Variants in FLT3 observed in about 807,000 individuals in gnomAD.
FLT3 encodes fms related receptor tyrosine kinase 3.
In FLT3, 46 loss-of-function variants were observed where a neutral mutation model predicts 126.6. The observed-to-expected ratio is 0.36, with a 90% CI of 0.29 to 0.46. The LOEUF (loss-of-function observed/expected upper bound fraction) is 0.46. FLT3 is among the 20% of genes least tolerant of loss of function. The pLI is 1.00. For synonymous variants in FLT3, 404 were observed against 434.4 expected (o/e 0.93, Z 0.87); for missense variants, 1,069 against 1,190.3 (o/e 0.90, Z 1.50).
chr13:28,036,603 T>C (rs1297056201), intron 10 of FLT3, among the ~76,000 whole-genome samples: 2 of 152,198 alleles, frequency 1.3e-5, no homozygotes, highest in African/African-American at 4.8e-5. Flanking sequence ...TTCAAAATAC[T>C]AAAATCAATA....
intron 22 of FLT3, 143 bp downstream of exon 22, chr13:28,015,014 A>T (rs1871713129): frequency 3.3e-6 from 2 of 608,900 alleles, no homozygotes; most frequent in South Asian, 4.1e-5. Flanking sequence ...TGGCCAACAC[A>T]GCAAGACCTC....
At chr13:28,080,761 A>C (rs999117125) in intron 1 of FLT3, among the ~76,000 whole-genome samples, 1 of 152,208 alleles carries the variant, frequency 6.6e-6, no homozygotes, top group African/African-American at 2.4e-5. Flanking sequence ...CCTAGAAGTC[A>C]TATTTACATT....
chr13:28,069,308 C>T (rs753882084), intron 2 of FLT3, among the ~76,000 whole-genome samples: 10 of 152,116 alleles, frequency 6.6e-5, no homozygotes, highest in Non-Finnish European at 1.2e-4. Context: ...AGGGGATCGA[C>T]AACACTTGGT....
At chr13:28,074,328 C>T (rs1010017838) in intron 1 of FLT3, among the ~76,000 whole-genome samples, 5 of 152,180 alleles carry the variant, frequency 3.3e-5, no homozygotes, top group Non-Finnish European at 7.3e-5. Flanking sequence ...TGTGGACACA[C>T]ATTTGGGCTG....
intron 1 of FLT3, among the ~76,000 whole-genome samples, chr13:28,086,619 C>CGTGT (rs35797346): frequency 0.032 from 4,317 of 134,734 alleles, 68 homozygotes; most frequent in African/African-American, 0.056. Context: ...CTGAAGAACT[C>CGTGT]GTGTGTGTGT....
chr13:28,024,442 C>G (rs1872646150), intron 18 of FLT3, among the ~76,000 whole-genome samples: 1 of 152,152 alleles, frequency 6.6e-6, no homozygotes, highest in South Asian at 2.1e-4. Flanking sequence ...TCATTTACTC[C>G]TTCTAACAGT....
chr13:28,060,122 C>T (rs1013249454), intron 3 of FLT3, among the ~76,000 whole-genome samples: 2 of 150,884 alleles, frequency 1.3e-5, no homozygotes, highest in East Asian at 1.9e-4. Flanking sequence ...AGACCCAGTG[C>T]GGTGGCTCAC....
intron 9 of FLT3, among the ~76,000 whole-genome samples, chr13:28,046,656 A>G (rs7318543): frequency 0.065 from 9,896 of 151,946 alleles, 1,028 homozygotes; most frequent in African/African-American, 0.22. Flanking sequence ...GAGTGCGGTG[A>G]CGTGATCATG....
At chr13:28,055,554 AC>A (rs1875929774) in intron 4 of FLT3, among the ~76,000 whole-genome samples, 2 of 152,248 alleles carry the variant, frequency 1.3e-5, no homozygotes, top group Admixed American at 1.3e-4. Flanking sequence ...CTTGTGGTTG[AC>A]TAAACCCTTT....
At chr13:28,060,945 G>A (rs931087182) in intron 3 of FLT3, among the ~76,000 whole-genome samples, 1 of 151,978 alleles carries the variant, frequency 6.6e-6, no homozygotes, top group Non-Finnish European at 1.5e-5. Context: ...CAGGAAAATT[G>A]AGCAGAAGAC....
At chr13:28,094,351 G>A (rs1879310933) in intron 1 of FLT3, among the ~76,000 whole-genome samples, 1 of 151,914 alleles carries the variant, frequency 6.6e-6, no homozygotes, top group Non-Finnish European at 1.5e-5. Context: ...GAAGATTCTT[G>A]GCTACCAATT....
chr13:28,018,174 T>C (rs1255678807), intron 20 of FLT3, among the ~76,000 whole-genome samples: 1 of 152,168 alleles, frequency 6.6e-6, no homozygotes, highest in East Asian at 1.9e-4. Context: ...AGTGCAAGTA[T>C]TGAGATTTTG....
In FLT3 at chr13:28,084,274, CA is replaced by C. The variant is rs544997389; in HGVS notation, c.44-13663del. ...TCCAAAAATGCTGGGATTACATGCG[CA>C]AGCTACTGTACTGGCCTCTTTCTGT... On this transcript the variant is annotated intron_variant, in intron 1 of 23. Coordinates refer to ENST00000241453, the MANE Select transcript of FLT3 (RefSeq NM_004119.3). Among the ~76,000 whole-genome samples, 712 of 152,090 alleles carry C rather than the reference CA, an allele frequency of 4.7e-3. 2 individuals are homozygous for C. Among genetic ancestry groups the C allele is most frequent in the African/African-American group, 0.017 (690 of 41,536 alleles).
In FLT3 at chr13:28,025,507, C is replaced by A. The variant is rs1008305159; in HGVS notation, c.2208-564G>T. ...AGCTCTGTAGGAATTATAAGTAGAT[C>A]ACGATTCAATTTATTCTAATATACG... On this transcript the variant is annotated intron_variant, in intron 17 of 23. Transcript: ENST00000241453. 15 of 318,868 alleles carry A rather than the reference C, an allele frequency of 4.7e-5. No individual in the cohort carries two copies. In the Admixed American group the frequency reaches 6.3e-4, roughly 13 times the overall value. 19.8% of individuals were successfully genotyped at this position (318,868 alleles called of 1,614,324 possible). A position where few individuals can be genotyped will look rare whatever the true frequency, so the allele number is the denominator to read the frequency against.
chr13:28,011,081 G>A (rs994570089), intron 23 of FLT3, among the ~76,000 whole-genome samples: 23 of 151,938 alleles, frequency 1.5e-4, no homozygotes, highest in Non-Finnish European at 3.1e-4. Context: ...GAAGGCTGAG[G>A]TGGGCGGATC....
At chr13:28,030,471 G>T (rs1339015414) in intron 15 of FLT3, among the ~76,000 whole-genome samples, 1 of 152,166 alleles carries the variant, frequency 6.6e-6, no homozygotes, top group Non-Finnish European at 1.5e-5. Context: ...ACTGGGGAAT[G>T]AAGGAAAAAC....
At chr13:28,095,421 G>A (rs970089645) in intron 1 of FLT3, among the ~76,000 whole-genome samples, 1 of 152,096 alleles carries the variant, frequency 6.6e-6, no homozygotes, top group African/African-American at 2.4e-5. Context: ...AACTACAGGC[G>A]TGCGCCACCA....
At chr13:28,049,812 T>G (rs749042909) in intron 6 of FLT3, 38 bp from the exon 7 acceptor site, 111 of 1,520,000 alleles carry the variant, frequency 7.3e-5, no homozygotes, top group Middle Eastern at 1.8e-4. Context: ...AAAAAAAAAG[T>G]GATTTTTGCC....
chr13:28,034,986 G>C (rs915451880), intron 12 of FLT3, among the ~76,000 whole-genome samples: 1 of 151,852 alleles, frequency 6.6e-6, no homozygotes, highest in East Asian at 1.9e-4. Flanking sequence ...GGATGTACAA[G>C]TCAGAGAAAA....
Sources: allele counts gnomAD v4.1 joint callset (sites outside exome capture counted in the v4.1 genomes callset), GRCh38; gene constraint gnomAD v4.1.1; transcripts MANE v1.5; gene names NCBI Gene and HGNC (gene_info 2026-07-23, HGNC 2026-07-21).